Variants in DCBLD1 observed in about 807,000 individuals in gnomAD.
DCBLD1 encodes discoidin, CUB and LCCL domain-containing protein 1.
DCBLD1 carries 57 observed loss-of-function variants against 71.5 expected under a neutral mutation model. The observed-to-expected ratio is 0.80, with a 90% CI of 0.64 to 0.99. DCBLD1 has a LOEUF of 0.99. Among genes scored for constraint, DCBLD1 ranks in the 50% least tolerant of loss-of-function variants. The pLI, the probability that DCBLD1 is intolerant of heterozygous loss-of-function variation, is 0.00. For missense variants in DCBLD1, 891 were observed against 923.5 expected, an observed-to-expected ratio of 0.96 and a Z score of 0.46; for synonymous variants, 380 against 363.8, an observed-to-expected ratio of 1.04 and a Z score of -0.51.
chr6:117,503,112 G>T (rs531628399), intron 1 of DCBLD1, among the ~76,000 whole-genome samples: 1 of 152,228 alleles, frequency 6.6e-6, no homozygotes, highest in South Asian at 2.1e-4. Context: ...TGCTGCTTTT[G>T]TGTTTCCAGC....
At chr6:117,568,026 CAAAAAAAA>C (rs779227271) in intron 14 of DCBLD1, among the ~76,000 whole-genome samples, 1 of 46,662 alleles carries the variant, frequency 2.1e-5, no homozygotes, top group Non-Finnish European at 4.6e-5. Flanking sequence ...CCCATCTCTA[CAAAAAAAA>C]AAAAAAAAAA....
Position 117,538,693 on chromosome 6 carries a change from G to C in DCBLD1, c.834G>C (p.Glu278Asp), listed in dbSNP as rs1249024066. The change falls in exon 8 of 15, where the codon GAG becomes GAC. Residue 278 changes from glutamate to aspartate, a missense_variant. Transcript: ENST00000338728. ...RASSSWQSVN[E>D]SGDQVHWSPG... is the part of the protein sequence containing the mutation. ...CTTCCTCATGGCAGTCGGTCAATGA[G>C]AGTGGAGACCAAGTTCACTGGTCTC... The C allele has an allele frequency of 6.2e-7, 1 of 1,614,154 alleles. No homozygotes were observed. The highest frequency in any genetic ancestry group is 8.5e-7 in the Non-Finnish European group (1 of 1,180,032).
At chr6:117,545,396 C>CT in intron 13 of DCBLD1, 82 bp from the exon 14 acceptor site, 5 of 1,561,364 alleles carry the variant, frequency 3.2e-6, no homozygotes, top group Non-Finnish European at 4.3e-6. Context: ...AGCCTGACCT[C>CT]TGACTCATCA....
intron 1 of DCBLD1, among the ~76,000 whole-genome samples, chr6:117,496,421 T>C (rs915932726): frequency 9.2e-5 from 14 of 152,338 alleles, no homozygotes; most frequent in African/African-American, 3.4e-4. Context: ...CTAAGCACAA[T>C]TGAAGAAGAG....
chr6:117,546,989 C>A (rs1779286709), intron 14 of DCBLD1, among the ~76,000 whole-genome samples: 1 of 152,212 alleles, frequency 6.6e-6, no homozygotes, highest in South Asian at 2.1e-4. Flanking sequence ...CGGCTTTCCT[C>A]ACACCCCACC....
At chr6:117,526,262 C>T (rs1245647735) in intron 5 of DCBLD1, among the ~76,000 whole-genome samples, 48 of 152,072 alleles carry the variant, frequency 3.2e-4, no homozygotes, top group Admixed American at 2.9e-3. Flanking sequence ...TTTTGCCTTT[C>T]GTTCCCCTTT....
intron 12 of DCBLD1, 185 bp from the exon 13 acceptor site, chr6:117,544,343 G>T: frequency 4.1e-6 from 2 of 487,294 alleles, no homozygotes; most frequent in Non-Finnish European, 7.0e-6. Context: ...TCTTATAAAT[G>T]AGATAAATTT....
In DCBLD1 at chr6:117,548,115, C is replaced by A; in HGVS notation, c.1824C>A (p.His608Gln). The change falls in exon 15 of 15, where the codon CAC becomes CAA. Residue 608 changes from histidine (H) to glutamine (Q), a missense_variant. By Grantham distance (24) the His-to-Gln change is conservative. Coordinates refer to ENST00000338728, the MANE Select transcript of DCBLD1 (RefSeq NM_001366458.2). ...PEYATPIVER[H>Q]VLRAHTFSAQ... ...ACGCCACGCCCATCGTGGAGCGGCA[C>A]GTGCTGCGCGCCCACACGTTCTCTG... is the stretch of plus-strand genomic sequence containing the variant. 4 of 1,549,750 alleles carry A rather than the reference C, an allele frequency of 2.6e-6. No homozygotes were observed. The highest frequency in any genetic ancestry group is 1.2e-5 in the South Asian group (1 of 84,000).
chr6:117,513,516 T>C (rs1456134260), intron 2 of DCBLD1, among the ~76,000 whole-genome samples: 1 of 152,200 alleles, frequency 6.6e-6, no homozygotes, highest in East Asian at 1.9e-4. Context: ...TTTTTCCTGA[T>C]TTTTCTGCCT....
downstream of DCBLD1, among the ~76,000 whole-genome samples, chr6:117,550,262 G>C (rs1413069971): frequency 1.3e-5 from 2 of 151,806 alleles, no homozygotes; most frequent in Non-Finnish European, 2.9e-5. Context: ...TTTTTTTTTG[G>C]ATCATCACTT....
chr6:117,533,594 G>A (rs545596344), intron 6 of DCBLD1, among the ~76,000 whole-genome samples: 6 of 152,164 alleles, frequency 3.9e-5, no homozygotes, highest in Non-Finnish European at 7.3e-5. Flanking sequence ...TTATAACATT[G>A]CTTTTATTGG....
chr6:117,489,712 C>T (rs894501329), intron 1 of DCBLD1, among the ~76,000 whole-genome samples: 5 of 152,052 alleles, frequency 3.3e-5, no homozygotes, highest in South Asian at 2.1e-4. Flanking sequence ...GGTGAAACCC[C>T]GTCTCTACTA....
chr6:117,516,906 C>T (rs896176657), intron 2 of DCBLD1, among the ~76,000 whole-genome samples: 2 of 152,190 alleles, frequency 1.3e-5, no homozygotes, highest in African/African-American at 2.4e-5. Context: ...CCACCGGGTC[C>T]CTCCCACAAC....
At chr6:117,545,049 C>A (rs1265475956) in intron 13 of DCBLD1, among the ~76,000 whole-genome samples, 4 of 150,990 alleles carry the variant, frequency 2.6e-5, no homozygotes, top group Non-Finnish European at 5.9e-5. Flanking sequence ...GGTGCCCAAG[C>A]AATGAGTTAG....
Position 117,541,032 on chromosome 6 carries a change from C to T in DCBLD1, c.1357+7C>T. On this transcript the variant is annotated splice_region_variant and intron_variant, in intron 11 of 14. Transcript: ENST00000338728. Reference sequence around the variant, plus strand: ...TCGGAAGAAACATCCACAGGTAGAGCCGTGATTGTCTGTGGTTTCATAAGG... The same window carrying T: ...TCGGAAGAAACATCCACAGGTAGAGTCGTGATTGTCTGTGGTTTCATAAGG... 1 of 1,613,656 alleles carries T rather than the reference C, an allele frequency of 6.2e-7. No homozygotes were observed. Among genetic ancestry groups the T allele is most frequent in the Non-Finnish European group, 8.5e-7 (1 of 1,179,600 alleles).
chr6:117,522,896 G>C (rs1359476688), intron 4 of DCBLD1, among the ~76,000 whole-genome samples: 1 of 152,152 alleles, frequency 6.6e-6, no homozygotes, highest in Non-Finnish European at 1.5e-5. Flanking sequence ...CGTAAGTGTA[G>C]CCTGGGAGTC....
At chr6:117,503,745 C>T (rs752559340) in intron 1 of DCBLD1, 22 bp from the exon 2 acceptor site, 1 of 1,611,688 alleles carries the variant, frequency 6.2e-7, no homozygotes, top group Non-Finnish European at 8.5e-7. Flanking sequence ...TCTTTTATTC[C>T]CCCCTTCTTT....
rs117736103 is a variant in DCBLD1 at position 117,528,395 on chromosome 6, T to C, written c.585+2961T>C. Among the ~76,000 whole-genome samples the C allele has an allele frequency of 1.2e-3, 190 of 152,384 alleles. 4 individuals are homozygous for C. The East Asian group carries it at 0.025, about 20-fold the overall frequency. ...CACCAACATTTTTAAGCATGTGTTT[T>C]ATTCTACCTTACTGGTTTTGGTTCA... On this transcript the variant is annotated intron_variant, in intron 5 of 14. Transcript: ENST00000338728.
chr6:117,565,074 TA>T (rs964991919), intron 14 of DCBLD1, among the ~76,000 whole-genome samples: 18 of 151,594 alleles, frequency 1.2e-4, no homozygotes, highest in African/African-American at 4.1e-4. Flanking sequence ...TTGAAAAATC[TA>T]AAAAAAAATT....
Sources: allele counts gnomAD v4.1 joint callset (sites outside exome capture counted in the v4.1 genomes callset), GRCh38; gene constraint gnomAD v4.1.1; transcripts MANE v1.5; gene names NCBI Gene and HGNC (gene_info 2026-07-23, HGNC 2026-07-21).